PDK2: variants seen among roughly 807,000 people sequenced by gnomAD.
PDK2 encodes the protein pyruvate dehydrogenase kinase 2.
Under a neutral mutation model 50.4 loss-of-function variants are expected in PDK2, and 34 were observed. The ratio of observed to expected loss-of-function variants is 0.68; its 90% CI spans 0.51 to 0.90. The LOEUF is 0.90. Ranked by LOEUF, PDK2 falls within the 40% of genes least tolerant of loss-of-function variation. PDK2 has a pLI of 0.00. For synonymous variants in PDK2, 232 were observed against 216.0 expected (o/e 1.07, Z -0.65); for missense variants, 377 against 544.5 (o/e 0.69, Z 3.06).
rs1156862869 is a variant in PDK2, at chr17:50,109,377, A to T, written c.1060A>T (p.Thr354Ser). ...GCTCTTCTCCATGGAAGGCTTTGGG[A>T]CCGATGCTGTCATCTATCTCAAGGT... is the stretch of plus-strand genomic sequence containing the variant. Reference protein sequence around the residue: ...LQLFSMEGFGTDAVIYLKALS... With the variant: ...LQLFSMEGFGSDAVIYLKALS... Residue 354 changes from threonine to serine, a missense_variant, in exon 10 of 11, where the codon ACC becomes TCC. By Grantham distance (58) the Thr-to-Ser change is moderately conservative (BLOSUM62 1). Transcript: ENST00000503176. The surrounding 1 kb of genome is among the most constrained non-coding windows in gnomAD (Gnocchi z 5.0). 6.2e-7 allele frequency: 1 copy of T among 1,611,970 alleles called. No individual in the cohort carries two copies. Among genetic ancestry groups the T allele is most frequent in the Non-Finnish European group, 8.5e-7 (1 of 1,178,532 alleles).
Position 50,108,621 on chromosome 17 carries a change from C to A in PDK2, c.871C>A (p.Arg291=). Residue 291 remains arginine (R), a synonymous_variant, in exon 9 of 11, where the codon CGA becomes AGA. Coordinates refer to ENST00000503176, the MANE Select transcript of PDK2 (RefSeq NM_002611.5). ...EEDLSIKMSD[R]GGGVPLRKIE... is the part of the protein sequence containing the mutation. ...ATCCCATCTCTCCCAGATGAGTGACCGAGGTGGGGGTGTTCCCTTGAGGAA... is the reference window on the plus strand; with the variant it reads ...ATCCCATCTCTCCCAGATGAGTGACAGAGGTGGGGGTGTTCCCTTGAGGAA... 7 of 1,610,564 alleles carry A rather than the reference C, an allele frequency of 4.3e-6. No homozygotes were observed. The highest frequency in any genetic ancestry group is 5.9e-6 in the Non-Finnish European group (7 of 1,178,024).
intron 2 of PDK2, among the ~76,000 whole-genome samples, chr17:50,105,089 T>A (rs971847373): frequency 2.6e-5 from 4 of 152,154 alleles, no homozygotes; most frequent in Non-Finnish European, 5.9e-5. Flanking sequence ...TTAGATGGGA[T>A]CATCTCCAAG....
In PDK2 at chr17:50,109,212, C is replaced by T; in HGVS notation, c.970-75C>T. On this transcript the variant is annotated intron_variant, in intron 9 of 10. Transcript: ENST00000503176. The surrounding 1 kb of genome is among the most constrained non-coding windows in gnomAD (Gnocchi z 5.0). ...GACCCCAGCTCCACACCCTTCCCTCCCTGCATCAGTCCCTGCAGCTCCAGG... is the reference window on the plus strand; with the variant it reads ...GACCCCAGCTCCACACCCTTCCCTCTCTGCATCAGTCCCTGCAGCTCCAGG... 4 of 879,734 alleles carry T rather than the reference C, an allele frequency of 4.5e-6. No individual in the cohort carries two copies. The highest frequency in any genetic ancestry group is 7.3e-6 in the Non-Finnish European group (4 of 549,746). The allele number at this position is 879,734 out of a possible 1,614,324, so 54.5% of individuals were successfully genotyped here. A position where few individuals can be genotyped will look rare whatever the true frequency, so the allele number is the denominator to read the frequency against.
intron 1 of PDK2, 77 bp downstream of exon 1, chr17:50,095,630 GGAGGA>G: frequency 6.7e-7 from 1 of 1,499,364 alleles, no homozygotes; most frequent in Admixed American, 2.1e-5. Context: ...CTAGGGGGAC[GGAGGA>G]GAAGAAAGGC....
rs1910739159 is a variant in PDK2, at chr17:50,109,935, G to A, written c.1084-22G>A. 1.3e-6 allele frequency: 2 copies of A among 1,516,104 alleles called. No individual in the cohort carries two copies. The highest frequency in any genetic ancestry group is 2.7e-5 in the African/African-American group (2 of 72,886). 93.9% of individuals were successfully genotyped at this position (1,516,104 alleles called of 1,614,324 possible). On this transcript the variant is annotated intron_variant, in intron 10 of 10. Transcript: ENST00000503176. The surrounding 1 kb of genome is among the most constrained non-coding windows in gnomAD (Gnocchi z 5.0). ...GGACAAGGCACAGGGAGGTGGGAGG[G>A]GCTGACCCTGACACTCCCCAGGCCC...
chr17:50,103,232 C>T (rs1910325529), intron 2 of PDK2, among the ~76,000 whole-genome samples: 1 of 152,146 alleles, frequency 6.6e-6, no homozygotes, highest in African/African-American at 2.4e-5. Flanking sequence ...CATCAGCAGC[C>T]ACAGCTCCTC....
chr17:50,105,348 T>C, intron 2 of PDK2, 23 bp from the exon 3 acceptor site: 1 of 1,571,424 alleles, frequency 6.4e-7, no homozygotes. Flanking sequence ...GCTGAGGCTG[T>C]GTCCCCTCCC....
rs1910720030 is a variant in PDK2 at position 50,109,687 on chromosome 17, C to T, written c.1084-270C>T. ...AAGGAAGGGGACACCCTAGGTCTTG[C>T]CATTCAGTTCAGAGGAGAAGACTGA... On this transcript the variant is annotated intron_variant, in intron 10 of 10. Transcript: ENST00000503176. This position sits in a 1 kb window ranked among gnomAD's most constrained non-coding sequence, Gnocchi z 5.0. 6.6e-6 allele frequency among the ~76,000 whole-genome samples: 1 copy of T among 152,174 alleles called. No homozygotes were observed. The highest frequency in any genetic ancestry group is 6.5e-5 in the Admixed American group (1 of 15,282).
At position 50,108,172 on chromosome 17, in the gene PDK2, G is replaced by A. The variant is rs1910618041; in HGVS notation, c.702G>A (p.Gln234=). Residue 234 remains glutamine, a synonymous_variant, in exon 7 of 11, where the codon CAG becomes CAA. Coordinates refer to ENST00000503176, the MANE Select transcript of PDK2 (RefSeq NM_002611.5). ...IQEINAANSK[Q]PIHMVYVPSH... ...GCCCTGTAGCAGCCAACTCCAAACA[G>A]CCGATTCACATGGTCTACGTCCCCT... 1.3e-6 allele frequency: 2 copies of A among 1,595,374 alleles called. No homozygotes were observed. The highest frequency in any genetic ancestry group is 1.7e-6 in the Non-Finnish European group (2 of 1,169,462).
intron 2 of PDK2, 98 bp downstream of exon 2, chr17:50,097,662 G>C: frequency 2.8e-6 from 4 of 1,451,398 alleles, no homozygotes; most frequent in South Asian, 2.4e-5. Context: ...TTTGAGGGTG[G>C]GGTGGGGACA....
Position 50,109,368 on chromosome 17 carries a change from G to C in PDK2, c.1051G>C (p.Gly351Arg), listed in dbSNP as rs760946261. 35 of 1,613,310 alleles carry C rather than the reference G, an allele frequency of 2.2e-5. No individual in the cohort carries two copies. The highest frequency in any genetic ancestry group is 2.9e-5 in the Non-Finnish European group (34 of 1,179,674). Residue 351 changes from glycine to arginine, a missense_variant, in exon 10 of 11, where the codon GGC (glycine) becomes CGC (arginine). Gly to Arg is a moderately radical substitution (Grantham distance 125). Transcript: ENST00000503176. This position sits in a 1 kb window ranked among gnomAD's most constrained non-coding sequence, Gnocchi z 5.0. ...QGDLQLFSME[G>R]FGTDAVIYLK... ...AGACCTGCAGCTCTTCTCCATGGAA[G>C]GCTTTGGGACCGATGCTGTCATCTA... is the stretch of plus-strand genomic sequence containing the variant.
Position 50,110,146 on chromosome 17 carries a change from C to A in PDK2, c.*49C>A, listed in dbSNP as rs371203768. On this transcript the variant is annotated 3_prime_UTR_variant, in exon 11 of 11. Coordinates refer to ENST00000503176, the MANE Select transcript of PDK2 (RefSeq NM_002611.5). ...AGAGGACGGACTGCCGCCTCTGGGT[C>A]CCCCCACCGTGGTGCCCCTCACCAT... The A allele has an allele frequency of 1.9e-4, 284 of 1,523,250 alleles. 1 individual carries two copies. In the African/African-American group the frequency reaches 3.3e-3, roughly 18 times the overall value. The allele number at this position is 1,523,250 out of a possible 1,614,324, so 94.4% of individuals were successfully genotyped here.
rs1487719670 is a variant in PDK2, at chr17:50,105,935, C to A, written c.383C>A (p.Pro128His). 2 of 1,613,370 alleles carry A rather than the reference C, an allele frequency of 1.2e-6. No homozygotes were observed. The highest frequency in any genetic ancestry group is 2.7e-5 in the African/African-American group (2 of 74,896). Residue 128 changes from proline to histidine, a missense_variant, in exon 4 of 11, where the codon CCC (proline) becomes CAC (histidine). Coordinates refer to ENST00000503176, the MANE Select transcript of PDK2 (RefSeq NM_002611.5). ...TIRNRHNDVVPTMAQGVLEYK... is the reference protein window; with the variant it reads ...TIRNRHNDVVHTMAQGVLEYK... Reference sequence around the variant, plus strand: ...CGGAACCGGCACAACGACGTGGTGCCCACCATGGCACAAGGCGTGCTTGAG... The same window carrying A: ...CGGAACCGGCACAACGACGTGGTGCACACCATGGCACAAGGCGTGCTTGAG...
Position 50,106,520 on chromosome 17 carries a change from A to C in PDK2, c.518-274A>C, listed in dbSNP as rs888666341. 7.6e-6 allele frequency: 4 copies of C among 525,078 alleles called. No homozygotes were observed. The Admixed American group carries it at 1.1e-4, about 14-fold the overall frequency. The allele number at this position is 525,078 out of a possible 1,614,324, so 32.5% of individuals were successfully genotyped here. A position where few individuals can be genotyped will look rare whatever the true frequency, so the allele number is the denominator to read the frequency against. ...TCTTAGAATGTTATAGTCAAAGAAA[A>C]GAATAAATGCAATGTGGAGATGTGA... On this transcript the variant is annotated intron_variant, in intron 4 of 10. Transcript: ENST00000503176.
In PDK2 at chr17:50,106,783, C is replaced by G; in HGVS notation, c.518-11C>G. 6.2e-7 allele frequency: 1 copy of G among 1,613,066 alleles called. No individual in the cohort carries two copies. The highest frequency in any genetic ancestry group is 8.5e-7 in the Non-Finnish European group (1 of 1,179,070). On this transcript the variant is annotated splice_polypyrimidine_tract_variant and intron_variant, in intron 4 of 10. Coordinates refer to ENST00000503176, the MANE Select transcript of PDK2 (RefSeq NM_002611.5). The stretch of plus-strand genomic sequence containing the variant: ...AGCCCAGCCAACAGCATCCTCCCTT[C>G]CTGCCTGCAGCCCTCATCTTTGATG...
chr17:50,106,601 C>T (rs570631386), intron 4 of PDK2, 193 bp from the exon 5 acceptor site: 100 of 602,558 alleles, frequency 1.7e-4, no homozygotes, highest in South Asian at 4.7e-4. Context: ...GGTTTAAAAA[C>T]GGCCTAAGCC....
intron 2 of PDK2, among the ~76,000 whole-genome samples, chr17:50,102,755 C>T (rs1175217083): frequency 2.0e-5 from 3 of 152,200 alleles, no homozygotes; most frequent in Admixed American, 2.0e-4. Flanking sequence ...CCAGCAGTAG[C>T]GCCCACCTCT....
At position 50,108,837 on chromosome 17, in the gene PDK2, T is replaced by A. The variant is rs573296240; in HGVS notation, c.969+118T>A. On this transcript the variant is annotated intron_variant, in intron 9 of 10. Transcript: ENST00000503176. Reference sequence around the variant, plus strand: ...TGGCCGTCTGTGACAGTCACCTGTCTTGAATCTGGGCCCCCGCACCTCCCA... The same window carrying A: ...TGGCCGTCTGTGACAGTCACCTGTCATGAATCTGGGCCCCCGCACCTCCCA... 49 of 674,024 alleles carry A rather than the reference T, an allele frequency of 7.3e-5. No individual in the cohort carries two copies. In the African/African-American group the frequency reaches 8.6e-4, roughly 12 times the overall value. The allele number at this position is 674,024 out of a possible 1,614,324, so 41.8% of individuals were successfully genotyped here.
chr17:50,097,290 CT>C (rs1909998919), intron 1 of PDK2, 132 bp from the exon 2 acceptor site: 1 of 837,176 alleles, frequency 1.2e-6, no homozygotes, highest in Non-Finnish European at 1.9e-6. Flanking sequence ...GATGGGGAGC[CT>C]TGCTGTGTGC....
Sources: gnomAD v4.1 joint callset for allele counts (sites outside exome capture counted in the v4.1 genomes callset) on GRCh38, gnomAD v4.1.1 for gene constraint, Gnocchi (gnomAD v3.1) non-coding constraint, MANE v1.5 for transcripts, NCBI Gene and HGNC (gene_info 2026-07-23, HGNC 2026-07-21) for gene names.